Variants in HIVEP3 observed in about 807,000 individuals in gnomAD.
The protein encoded by HIVEP3 is transcription factor HIVEP3.
In HIVEP3, 49 loss-of-function variants were observed where a neutral mutation model predicts 152.8. The observed-to-expected ratio is 0.32, with a 90% CI of 0.26 to 0.41. The LOEUF is 0.41. Ranked by LOEUF, HIVEP3 falls within the 10% of genes least tolerant of loss-of-function variation. The pLI is 1.00. For missense variants in HIVEP3, 2,790 were observed against 3,103.3 expected (o/e 0.90, Z 2.40); for synonymous variants, 1,269 against 1,289.0 (o/e 0.98, Z 0.33).
intron 2 of HIVEP3, among the ~76,000 whole-genome samples, chr1:41,634,073 G>C (rs1244259334): frequency 6.6e-6 from 1 of 151,402 alleles, no homozygotes; most frequent in Non-Finnish European, 1.5e-5. Flanking sequence ...CTCAAAGCCA[G>C]AGAGAAGTAT....
At chr1:41,685,905 G>GTGT (rs899193734) in intron 2 of HIVEP3, among the ~76,000 whole-genome samples, 7 of 152,166 alleles carry the variant, frequency 4.6e-5, no homozygotes, top group Non-Finnish European at 1.5e-5. Flanking sequence ...GGGCTGGTGT[G>GTGT]TGTTGGAACT....
Position 41,552,347 on chromosome 1 carries a change from C to T in HIVEP3, c.5207+23197G>A, listed in dbSNP as rs1044442786. Among the ~76,000 whole-genome samples the T allele has an allele frequency of 7.5e-5, 11 of 147,090 alleles. No homozygotes were observed. The South Asian group carries it at 2.3e-3, about 31-fold the overall frequency. The stretch of plus-strand genomic sequence containing the variant: ...TCGTCATCTAGCATTAGGTATATCT[C>T]CCAATGCTATCCCTCCCCCCTCCCC... On this transcript the variant is annotated intron_variant, in intron 5 of 8. Transcript: ENST00000372583.
At chr1:41,549,022 C>T (rs1643867685) in intron 5 of HIVEP3, among the ~76,000 whole-genome samples, 1 of 151,950 alleles carries the variant, frequency 6.6e-6, no homozygotes, top group Non-Finnish European at 1.5e-5. Flanking sequence ...TATCCCTCCC[C>T]CTGCCCCCCA....
At chr1:41,814,297 T>C (rs1314384446) in intron 1 of HIVEP3, among the ~76,000 whole-genome samples, 1 of 152,148 alleles carries the variant, frequency 6.6e-6, no homozygotes, top group Non-Finnish European at 1.5e-5. Flanking sequence ...AGGGCTGGAG[T>C]GCAGAGCCAC....
chr1:41,753,706 T>TAAATAAATAAATAAATAAAA (rs371969654), intron 1 of HIVEP3, among the ~76,000 whole-genome samples: 4 of 149,466 alleles, frequency 2.7e-5, no homozygotes, highest in Non-Finnish European at 5.9e-5. Context: ...AATAAATAAA[T>TAAATAAATAAATAAATAAAA]AAAAATAGAA....
Position 41,511,851 on chromosome 1 carries a change from T to G in HIVEP3, c.6406-585A>C, listed in dbSNP as rs1451916935. Among the ~76,000 whole-genome samples the G allele has an allele frequency of 6.6e-6, 1 of 151,828 alleles. No homozygotes were observed. The highest frequency in any genetic ancestry group is 1.5e-5 in the Non-Finnish European group (1 of 67,950). On this transcript the variant is annotated intron_variant, in intron 8 of 8. Coordinates refer to ENST00000372583, the MANE Select transcript of HIVEP3 (RefSeq NM_024503.5). The surrounding 1 kb of genome is among the most constrained non-coding windows in gnomAD (Gnocchi z 4.9). ...AATGATGGTGCTATCGGTGGAGGGG[T>G]CATGGCAGCTGAGGGGACAGGGATG...
chr1:41,661,531 G>A (rs1422447932), intron 2 of HIVEP3, among the ~76,000 whole-genome samples: 1 of 152,184 alleles, frequency 6.6e-6, no homozygotes, highest in African/African-American at 2.4e-5. Flanking sequence ...CCGCTAGGAT[G>A]TACCCCCAGT....
Position 41,516,162 on chromosome 1 carries a change from G to A in HIVEP3, c.5470+2240C>T, listed in dbSNP as rs1338334785. Among the ~76,000 whole-genome samples the A allele has an allele frequency of 7.6e-4, 6 of 7,852 alleles. No homozygotes were observed. The Non-Finnish European group carries it at 0.011, about 14-fold the overall frequency. 5.2% of individuals were successfully genotyped at this position (7,852 alleles called of 152,430 possible). On this transcript the variant is annotated intron_variant, in intron 7 of 8. Transcript: ENST00000372583. ...CACATCTGCGTTCCTGCAGGGCGCT[G>A]AGGGAATGCCCCTGGCTGGGCGGCC...
At chr1:41,604,064 C>A (rs1418813945) in intron 3 of HIVEP3, among the ~76,000 whole-genome samples, 5 of 152,234 alleles carry the variant, frequency 3.3e-5, no homozygotes, top group African/African-American at 9.7e-5. Flanking sequence ...ACAACTGGAA[C>A]TCTTCTTGTG....
intron 1 of HIVEP3, among the ~76,000 whole-genome samples, chr1:41,739,196 G>C (rs1008250250): frequency 6.6e-6 from 1 of 152,206 alleles, no homozygotes; most frequent in Non-Finnish European, 1.5e-5. Flanking sequence ...GGGGGTTTCC[G>C]GGCAGCCTGG....
intron 1 of HIVEP3, among the ~76,000 whole-genome samples, chr1:41,865,966 A>C (rs1643963073): frequency 6.6e-6 from 1 of 152,226 alleles, no homozygotes; most frequent in Non-Finnish European, 1.5e-5. Flanking sequence ...TTATGGTAGA[A>C]GGGAGCATCG....
rs114290210 is a variant in HIVEP3 at position 41,860,166 on chromosome 1, T to G, written c.-801+58247A>C. Among the ~76,000 whole-genome samples, 315 of 152,314 alleles carry G rather than the reference T, an allele frequency of 2.1e-3. 2 individuals are homozygous for G. Among genetic ancestry groups the G allele is most frequent in the African/African-American group, 6.7e-3 (279 of 41,584 alleles). On this transcript the variant is annotated intron_variant, in intron 1 of 8. Coordinates refer to ENST00000372583, the MANE Select transcript of HIVEP3 (RefSeq NM_024503.5). Reference sequence around the variant, plus strand: ...TGCCTAAACATCTCTCATAAGCTTCTGCATAAAGACACCCCAGTTATATCG... The same window carrying G: ...TGCCTAAACATCTCTCATAAGCTTCGGCATAAAGACACCCCAGTTATATCG...
chr1:41,944,841 A>G (rs1201146616), intron 1 of HIVEP3, among the ~76,000 whole-genome samples: 1 of 152,178 alleles, frequency 6.6e-6, no homozygotes, highest in East Asian at 1.9e-4. Context: ...TTCTTTTTTC[A>G]GATGGGAAAC....
chr1:41,699,221 C>T (rs1444600425), intron 2 of HIVEP3, among the ~76,000 whole-genome samples: 4 of 152,206 alleles, frequency 2.6e-5, no homozygotes, highest in Non-Finnish European at 2.9e-5. Context: ...ACTCTGGCAC[C>T]GCTGCAGGAG....
chr1:41,693,577 C>T (rs1646228568), intron 2 of HIVEP3, among the ~76,000 whole-genome samples: 1 of 152,144 alleles, frequency 6.6e-6, no homozygotes, highest in South Asian at 2.1e-4. Flanking sequence ...ACCCATCATG[C>T]CTATGTTGAA....
At chr1:41,828,974 C>T (rs2124353534) in intron 1 of HIVEP3, among the ~76,000 whole-genome samples, 1 of 152,332 alleles carries the variant, frequency 6.6e-6, no homozygotes, top group African/African-American at 2.4e-5. Context: ...CAACATTGCC[C>T]AACCCTCCTG....
At chr1:41,522,197 G>C (rs654950) in intron 6 of HIVEP3, among the ~76,000 whole-genome samples, 45,696 of 152,090 alleles carry the variant, frequency 0.3, 8,537 homozygotes, top group Non-Finnish European at 0.43. Context: ...TGTCTGAGCT[G>C]ATGGCTGACG....
chr1:41,700,809 G>A (rs1317401878), intron 2 of HIVEP3, 107 bp downstream of exon 2: 3 of 355,270 alleles, frequency 8.4e-6, no homozygotes, highest in Non-Finnish European at 1.2e-5. Flanking sequence ...TCTCCTGCCC[G>A]AGGCTAAGGT....
chr1:41,826,394 A>G (rs1281262757), intron 1 of HIVEP3, among the ~76,000 whole-genome samples: 1 of 152,160 alleles, frequency 6.6e-6, no homozygotes, highest in Non-Finnish European at 1.5e-5. Flanking sequence ...CATGGGTGTG[A>G]GATGCCCTGG....
Sources: allele counts gnomAD v4.1 joint callset (sites outside exome capture counted in the v4.1 genomes callset), GRCh38; gene constraint gnomAD v4.1.1; non-coding constraint Gnocchi (gnomAD v3.1); transcripts MANE v1.5; gene names NCBI Gene and HGNC (gene_info 2026-07-23, HGNC 2026-07-21).